Variants in GPC5 observed in about 807,000 individuals in gnomAD.
The protein encoded by GPC5 is glypican-5.
Under a neutral mutation model 53.9 loss-of-function variants are expected in GPC5, and 47 were observed. That is an observed-to-expected ratio of 0.87 (90% confidence interval 0.69 to 1.11). The LOEUF (loss-of-function observed/expected upper bound fraction) is 1.11, where lower values mean the gene tolerates loss of function less well. GPC5 is among the 50% of genes most tolerant of loss of function. GPC5 has a pLI of 0.00. For synonymous variants in GPC5, 286 were observed against 263.3 expected, an observed-to-expected ratio of 1.09 and a Z score of -0.84; for missense variants, 748 against 713.1, an observed-to-expected ratio of 1.05 and a Z score of -0.56.
At chr13:92,549,199 T>C (rs936103553) in intron 7 of GPC5, among the ~76,000 whole-genome samples, 4 of 152,148 alleles carry the variant, frequency 2.6e-5, no homozygotes, top group African/African-American at 9.6e-5. Context: ...AAGAGTATTA[T>C]ACTTGTTTCT....
chr13:91,467,806 T>C (rs1314925397), intron 2 of GPC5, among the ~76,000 whole-genome samples: 1 of 152,194 alleles, frequency 6.6e-6, no homozygotes. Flanking sequence ...GAATAATTTT[T>C]CCTTTGATTA....
intron 5 of GPC5, among the ~76,000 whole-genome samples, chr13:91,822,352 AT>A (rs1451215066): frequency 3.9e-5 from 6 of 152,160 alleles, no homozygotes; most frequent in African/African-American, 1.2e-4. Context: ...ATGGACTTTC[AT>A]TTGCTGCACT....
intron 7 of GPC5, among the ~76,000 whole-genome samples, chr13:92,228,827 G>C (rs1043028826): frequency 6.6e-6 from 1 of 152,230 alleles, no homozygotes; most frequent in Non-Finnish European, 1.5e-5. Flanking sequence ...ACCAAGCATG[G>C]TCCCAGGATA....
intron 7 of GPC5, among the ~76,000 whole-genome samples, chr13:92,796,601 T>C (rs1221296212): frequency 2.0e-5 from 3 of 151,924 alleles, no homozygotes; most frequent in Non-Finnish European, 4.4e-5. Context: ...GAAGATTCTC[T>C]AGTGCTAGAA....
At chr13:91,623,613 C>T (rs751069013) in intron 2 of GPC5, among the ~76,000 whole-genome samples, 2 of 152,060 alleles carry the variant, frequency 1.3e-5, no homozygotes, top group South Asian at 4.1e-4. Flanking sequence ...AACAGGCAGT[C>T]TCTAAATGGC....
At chr13:92,809,905 T>C (rs147947779) in intron 7 of GPC5, among the ~76,000 whole-genome samples, 182 of 152,234 alleles carry the variant, frequency 1.2e-3, no homozygotes, top group African/African-American at 4.1e-3. Context: ...GTAAACCTAG[T>C]GTGTGTGTCA....
chr13:92,633,622 T>A (rs2139136922), intron 7 of GPC5, among the ~76,000 whole-genome samples: 2 of 152,260 alleles, frequency 1.3e-5, no homozygotes, highest in African/African-American at 4.8e-5. Context: ...CTGAAAGTTT[T>A]TGTTATAATA....
chr13:91,671,780 C>CAA (rs55758033), intron 2 of GPC5, among the ~76,000 whole-genome samples: 483 of 33,108 alleles, frequency 0.015, 34 homozygotes, highest in African/African-American at 0.025. Context: ...CAATCTGAAG[C>CAA]AAAAAAAAAA....
At chr13:92,555,531 A>G (rs147712384) in intron 7 of GPC5, among the ~76,000 whole-genome samples, 1,856 of 151,200 alleles carry the variant, frequency 0.012, 21 homozygotes, top group Non-Finnish European at 0.018. Flanking sequence ...AAATTTTAAT[A>G]AAGTCAGAAA....
At chr13:92,250,511 A>G (rs896722709) in intron 7 of GPC5, among the ~76,000 whole-genome samples, 3 of 152,100 alleles carry the variant, frequency 2.0e-5, no homozygotes, top group Admixed American at 6.6e-5. Flanking sequence ...CTTTATGGCT[A>G]TGGTGAAGCT....
chr13:92,240,220 C>A lies in GPC5; in HGVS notation c.1561+95231C>A, dbSNP rs577698578. 6 of 151,594 alleles carry A rather than the reference C, an allele frequency of 4.0e-5. No individual in the cohort carries two copies. The South Asian group carries it at 6.3e-4, about 16-fold the overall frequency. The allele number at this position is 151,594 out of a possible 1,614,324, so 9.4% of individuals were successfully genotyped here. On this transcript the variant is annotated intron_variant, in intron 7 of 7. Coordinates refer to ENST00000377067, the MANE Select transcript of GPC5 (RefSeq NM_004466.6). ...AATATTTAAAGTATAGCTATACAGA[C>A]TGACTAAAAATATGAACCGTTTTTT...
chr13:92,029,376 T>C (rs1409539158), intron 6 of GPC5, among the ~76,000 whole-genome samples: 2 of 152,242 alleles, frequency 1.3e-5, no homozygotes, highest in Non-Finnish European at 2.9e-5. Context: ...GTCACATTCA[T>C]TTCTTGACAT....
At chr13:92,825,872 A>G (rs1877829808) in intron 7 of GPC5, among the ~76,000 whole-genome samples, 1 of 152,080 alleles carries the variant, frequency 6.6e-6, no homozygotes, top group South Asian at 2.1e-4. Context: ...TGTGTTTTTC[A>G]TACTTATTCA....
chr13:92,446,880 CGG>C (rs58244570), intron 7 of GPC5: 21,593 of 151,964 alleles, frequency 0.14, 1,913 homozygotes, highest in East Asian at 0.47. Context: ...ATCTGATGAT[CGG>C]TGATGTTGAG....
intron 7 of GPC5, among the ~76,000 whole-genome samples, chr13:92,409,736 T>C (rs1161116027): frequency 6.6e-6 from 1 of 152,182 alleles, no homozygotes; most frequent in African/African-American, 2.4e-5. Context: ...AGATGTTCAC[T>C]GAAGAATTGT....
At chr13:92,128,402 C>T (rs1356981797) in intron 6 of GPC5, among the ~76,000 whole-genome samples, 2 of 152,166 alleles carry the variant, frequency 1.3e-5, no homozygotes, top group African/African-American at 4.8e-5. Context: ...ACCAACTGAC[C>T]AAAACACAAG....
rs966350709 is a variant in GPC5 at position 91,729,366 on chromosome 13, G to A, written c.1154+701G>A. Among the ~76,000 whole-genome samples the A allele has an allele frequency of 3.3e-5, 5 of 152,058 alleles. No individual in the cohort carries two copies. In the East Asian group the frequency reaches 9.7e-4, roughly 29 times the overall value. On this transcript the variant is annotated intron_variant, in intron 4 of 7. Coordinates refer to ENST00000377067, the MANE Select transcript of GPC5 (RefSeq NM_004466.6). ...CTAGAGGAAATTATTATATGTGTGT[G>A]TGTTTAGTTGACCAGTCAGTGTATG...
At chr13:91,623,360 C>A (rs968808013) in intron 2 of GPC5, among the ~76,000 whole-genome samples, 2 of 152,052 alleles carry the variant, frequency 1.3e-5, no homozygotes, top group African/African-American at 4.8e-5. Flanking sequence ...AAGGGAAAGT[C>A]CCTCACAGCA....
chr13:91,693,247 C>T lies in GPC5; in HGVS notation c.386C>T (p.Thr129Ile). 6.2e-7 allele frequency: 1 copy of T among 1,613,902 alleles called. No homozygotes were observed. Among genetic ancestry groups the T allele is most frequent in the Non-Finnish European group, 8.5e-7 (1 of 1,179,946 alleles). ...TACACCAGTATACTTTTTTGCAGTACCTACAGGAACATGGCCTTGGAGGCT... is the reference window on the plus strand; with the variant it reads ...TACACCAGTATACTTTTTTGCAGTATCTACAGGAACATGGCCTTGGAGGCT... The part of the protein sequence containing the change: ...ENYTSILFCS[T>I]YRNMALEAAA... Residue 129 changes from threonine (T) to isoleucine (I), a missense_variant, in exon 3 of 8, where the codon ACC becomes ATC. By Grantham distance (89) the Thr-to-Ile change is moderately conservative. Transcript: ENST00000377067.
Sources: allele counts gnomAD v4.1 joint callset (sites outside exome capture counted in the v4.1 genomes callset), GRCh38; gene constraint gnomAD v4.1.1; transcripts MANE v1.5; gene names NCBI Gene and HGNC (gene_info 2026-07-23, HGNC 2026-07-21).